The following GRAMD1B variants were observed in gnomAD, a reference collection of about 807,000 sequenced individuals.
The protein encoded by GRAMD1B is GRAM domain containing 1B, also known as protein Aster-B.
Under a neutral mutation model 99.7 loss-of-function variants are expected in GRAMD1B, and 37 were observed. The observed-to-expected ratio is 0.37, with a 90% CI of 0.29 to 0.49. The LOEUF is 0.49. GRAMD1B is among the 20% of genes least tolerant of loss of function. GRAMD1B has a pLI of 0.98. For missense variants in GRAMD1B, 888 were observed against 1,009.2 expected (o/e 0.88, Z 1.63); for synonymous variants, 427 against 387.6 (o/e 1.10, Z -1.19).
intron 11 of GRAMD1B, 131 bp downstream of exon 11, chr11:123,606,929 A>C (rs2136877530): frequency 1.5e-6 from 1 of 649,982 alleles, no homozygotes; most frequent in Non-Finnish European, 2.6e-6. Context: ...TCCTTAACAA[A>C]AGGTACCTGT....
At chr11:123,500,149 C>T (rs185294033) in intron 2 of GRAMD1B, among the ~76,000 whole-genome samples, 15 of 152,196 alleles carry the variant, frequency 9.9e-5, no homozygotes, top group African/African-American at 3.6e-4. Flanking sequence ...GGTGAAACCC[C>T]GTCTCTACTA....
intron 1 of GRAMD1B, 37 bp downstream of exon 1, chr11:123,431,203 CCCGTCCTCTCCAGAG>C (rs1374783912): frequency 3.0e-6 from 2 of 675,866 alleles, no homozygotes; most frequent in Non-Finnish European, 5.4e-6. Flanking sequence ...TCCCTTCCCT[CCCGTCCTCTCCAGAG>C]CCGTCCAGGG....
intron 1 of GRAMD1B, among the ~76,000 whole-genome samples, chr11:123,404,477 A>G (rs948020890): frequency 2.0e-5 from 3 of 152,246 alleles, no homozygotes; most frequent in African/African-American, 7.2e-5. Context: ...TGAAAAGACC[A>G]TTGAAGGTAA....
chr11:123,518,449 G>C (rs1941884190), intron 2 of GRAMD1B, among the ~76,000 whole-genome samples: 1 of 152,154 alleles, frequency 6.6e-6, no homozygotes. Context: ...GAGCTTAGTT[G>C]GGTGTTGCAC....
chr11:123,579,958 G>A (rs1413185981), intron 3 of GRAMD1B, among the ~76,000 whole-genome samples: 1 of 152,212 alleles, frequency 6.6e-6, no homozygotes, highest in African/African-American at 2.4e-5. Context: ...GGAGGTGCTG[G>A]GGTGAGTGCA....
intron 16 of GRAMD1B, among the ~76,000 whole-genome samples, chr11:123,613,899 C>T (rs1046130305): frequency 9.2e-5 from 14 of 152,198 alleles, no homozygotes; most frequent in Non-Finnish European, 2.1e-4. Flanking sequence ...AGTGTTTATG[C>T]TTTCGTGTTG....
chr11:123,475,052 G>A (rs1951198610), intron 1 of GRAMD1B, among the ~76,000 whole-genome samples: 3 of 152,182 alleles, frequency 2.0e-5, no homozygotes, highest in Admixed American at 1.3e-4. Flanking sequence ...CACCTACTCA[G>A]TAGAGGTTGC....
At chr11:123,362,899 A>G (rs1946192784) in intron 1 of GRAMD1B, among the ~76,000 whole-genome samples, 1 of 152,058 alleles carries the variant, frequency 6.6e-6, no homozygotes, top group African/African-American at 2.4e-5. Flanking sequence ...ATGGGAGGAG[A>G]ACCAGTCCCT....
At position 123,569,495 on chromosome 11, in the gene GRAMD1B, A is replaced by T. The variant is rs533525441; in HGVS notation, c.453-7872A>T. On this transcript the variant is annotated intron_variant, in intron 2 of 19. Coordinates refer to ENST00000635736, the MANE Select transcript of GRAMD1B (RefSeq NM_001387025.1). ...AGTGACTAGTGATAGTACAGAAAGA[A>T]TAACCATCTTCATGGAGTCCTCGTA... is the stretch of plus-strand genomic sequence containing the variant. Among the ~76,000 whole-genome samples the T allele has an allele frequency of 9.2e-5, 14 of 152,348 alleles. No homozygotes were observed. The South Asian group carries it at 2.7e-3, about 29-fold the overall frequency.
intron 2 of GRAMD1B, among the ~76,000 whole-genome samples, chr11:123,530,855 C>T (rs984451206): frequency 6.6e-6 from 1 of 152,162 alleles, no homozygotes; most frequent in African/African-American, 2.4e-5. Flanking sequence ...ACTCCTGAAC[C>T]AGAACCCTGT....
intron 1 of GRAMD1B, among the ~76,000 whole-genome samples, chr11:123,479,905 T>C (rs993643919): frequency 9.2e-5 from 14 of 152,172 alleles, no homozygotes; most frequent in African/African-American, 3.4e-4. Flanking sequence ...CACTAAAAAG[T>C]ACAAAAACCA....
intron 3 of GRAMD1B, among the ~76,000 whole-genome samples, chr11:123,580,286 G>A (rs769370323): frequency 6.6e-6 from 1 of 152,238 alleles, no homozygotes; most frequent in Non-Finnish European, 1.5e-5. Context: ...GCCTGAAGTA[G>A]ATGGTGCGGC....
intron 9 of GRAMD1B, among the ~76,000 whole-genome samples, chr11:123,604,838 T>G (rs1349471392): frequency 6.6e-6 from 1 of 152,170 alleles, no homozygotes; most frequent in Non-Finnish European, 1.5e-5. Context: ...GAGGTTTTCT[T>G]TCTAGGTGTA....
At chr11:123,404,596 A>G (rs1366653419) in intron 1 of GRAMD1B, among the ~76,000 whole-genome samples, 1 of 152,230 alleles carries the variant, frequency 6.6e-6, no homozygotes, top group African/African-American at 2.4e-5. Context: ...TGGCAGAGCT[A>G]GGGTTAGGGT....
At chr11:123,593,941 C>A in intron 4 of GRAMD1B, 141 bp from the exon 5 acceptor site, 1 of 646,452 alleles carries the variant, frequency 1.5e-6, no homozygotes. Flanking sequence ...CGTTCCTCAG[C>A]CTGGCCTCCT....
In GRAMD1B at chr11:123,622,507, T is replaced by A; in HGVS notation, c.2546T>A (p.Met849Lys). The change falls in exon 20 of 20, where the codon ATG becomes AAG. Residue 849 changes from methionine to lysine, a missense_variant and splice_region_variant. Coordinates refer to ENST00000635736, the MANE Select transcript of GRAMD1B (RefSeq NM_001387025.1). The part of the protein sequence containing the change: ...IKSSVMLLDQ[M>K]KDSLINLQNG... ...GGGGTGGGGTTTTCTGTCTTGCAGA[T>A]GAAGGACTCGCTCATCAACCTTCAG... 1.9e-6 allele frequency: 3 copies of A among 1,548,378 alleles called. No individual in the cohort carries two copies. The highest frequency in any genetic ancestry group is 2.6e-6 in the Non-Finnish European group (3 of 1,142,406).
At chr11:123,599,539 C>A (rs1951695507) in intron 7 of GRAMD1B, 2 of 499,614 alleles carry the variant, frequency 4.0e-6, no homozygotes, top group African/African-American at 3.9e-5. Flanking sequence ...GTAGCACTAT[C>A]TTGGCTCACT....
At chr11:123,514,997 G>T (rs973821943) in intron 2 of GRAMD1B, among the ~76,000 whole-genome samples, 2 of 152,146 alleles carry the variant, frequency 1.3e-5, no homozygotes, top group Non-Finnish European at 2.9e-5. Context: ...AATAGGAGAG[G>T]GTAACTGCAA....
intron 1 of GRAMD1B, among the ~76,000 whole-genome samples, chr11:123,389,993 G>A (rs940367743): frequency 1.3e-5 from 2 of 152,078 alleles, no homozygotes; most frequent in Non-Finnish European, 2.9e-5. Flanking sequence ...CTGGCCCCAA[G>A]TGATCTGCCT....
Sources: gnomAD v4.1 joint callset for allele counts (sites outside exome capture counted in the v4.1 genomes callset) on GRCh38, gnomAD v4.1.1 for gene constraint, MANE v1.5 for transcripts, NCBI Gene and HGNC (gene_info 2026-07-23, HGNC 2026-07-21) for gene names.